GTF2IRD1: variants seen among roughly 807,000 people sequenced by gnomAD.
The protein encoded by GTF2IRD1 is GTF2I repeat domain containing 1.
In GTF2IRD1, 26 loss-of-function variants were observed where a neutral mutation model predicts 113.2. That is an observed-to-expected ratio of 0.23 (90% CI 0.17 to 0.32). The LOEUF (loss-of-function observed/expected upper bound fraction) is 0.32. GTF2IRD1 is among the 10% of genes least tolerant of loss of function. GTF2IRD1 has a pLI of 1.00. For missense variants in GTF2IRD1, 864 were observed against 1,280.8 expected, an observed-to-expected ratio of 0.67 and a Z score of 4.97; for synonymous variants, 484 against 529.1, an observed-to-expected ratio of 0.91 and a Z score of 1.17.
chr7:74,493,171 G>A (rs540180747), intron 1 of GTF2IRD1, among the ~76,000 whole-genome samples: 17 of 149,642 alleles, frequency 1.1e-4, no homozygotes, highest in Admixed American at 7.4e-4. Flanking sequence ...GGGCAGTGAC[G>A]TGATCTCAGC....
At chr7:74,508,037 C>T (rs1156308390) in intron 1 of GTF2IRD1, 38 bp from the exon 2 acceptor site, 6 of 1,583,214 alleles carry the variant, frequency 3.8e-6, no homozygotes, top group Non-Finnish European at 5.1e-6. Context: ...AAGCCCCCTG[C>T]CTTGTGCCCA....
intron 17 of GTF2IRD1, among the ~76,000 whole-genome samples, chr7:74,550,540 T>C (rs2130711531): frequency 6.6e-6 from 1 of 151,864 alleles, no homozygotes; most frequent in South Asian, 2.1e-4. Context: ...TGAGCCCTGA[T>C]TGCACCACTG....
At chr7:74,585,556 C>T (rs1801672209) in intron 22 of GTF2IRD1, among the ~76,000 whole-genome samples, 1 of 152,096 alleles carries the variant, frequency 6.6e-6, no homozygotes, top group African/African-American at 2.4e-5. Context: ...TTAGAGGAAA[C>T]TATCTTAAAG....
chr7:74,487,822 A>G (rs2117186589), intron 1 of GTF2IRD1, among the ~76,000 whole-genome samples: 1 of 152,342 alleles, frequency 6.6e-6, no homozygotes, highest in Middle Eastern at 3.4e-3. Context: ...TAAACTAACA[A>G]AGATGCTTCA....
chr7:74,587,349 C>T (rs1801771276), intron 22 of GTF2IRD1, among the ~76,000 whole-genome samples: 1 of 151,972 alleles, frequency 6.6e-6, no homozygotes, highest in African/African-American at 2.4e-5. Flanking sequence ...GAGGCTGACG[C>T]AGGAGAATGG....
intron 2 of GTF2IRD1, among the ~76,000 whole-genome samples, chr7:74,511,768 C>T (rs560080842): frequency 6.6e-6 from 1 of 152,250 alleles, no homozygotes; most frequent in South Asian, 2.1e-4. Context: ...CAGATGAAAA[C>T]CAGCATTTAT....
At chr7:74,515,712 C>T in intron 4 of GTF2IRD1, 116 bp downstream of exon 4, 1 of 825,622 alleles carries the variant, frequency 1.2e-6, no homozygotes, top group African/African-American at 1.7e-5. Flanking sequence ...AGCCGGACCC[C>T]AAGGCATGGG....
intron 22 of GTF2IRD1, among the ~76,000 whole-genome samples, chr7:74,559,998 C>T (rs1334926595): frequency 6.6e-6 from 1 of 152,164 alleles, no homozygotes; most frequent in African/African-American, 2.4e-5. Context: ...CAGGGCTGGT[C>T]TCAAACTCCT....
intron 25 of GTF2IRD1, among the ~76,000 whole-genome samples, chr7:74,598,922 C>A (rs587655121): frequency 6.6e-6 from 1 of 152,166 alleles, no homozygotes; most frequent in African/African-American, 2.4e-5. Context: ...CACCACAGAC[C>A]CCCAGTTTCT....
At chr7:74,593,747 A>AG (rs1562900641) in intron 24 of GTF2IRD1, among the ~76,000 whole-genome samples, 2 of 151,174 alleles carry the variant, frequency 1.3e-5, no homozygotes, top group East Asian at 1.9e-4. Context: ...AAAAAAAAAA[A>AG]AAAAAAATTA....
At position 74,594,700 on chromosome 7, in the gene GTF2IRD1, C is replaced by A. The variant is rs1354168070; in HGVS notation, c.2592-314C>A. ...GGGCGCGATGGCTCATGCCTGTATCCCAGCACTTTGGGAGGTGGAGGCAGG... is the reference window on the plus strand; with the variant it reads ...GGGCGCGATGGCTCATGCCTGTATCACAGCACTTTGGGAGGTGGAGGCAGG... On this transcript the variant is annotated intron_variant, in intron 24 of 26. Transcript: ENST00000424337. 2.0e-5 allele frequency among the ~76,000 whole-genome samples: 3 copies of A among 152,132 alleles called. No homozygotes were observed. The East Asian group carries it at 5.8e-4, about 29-fold the overall frequency.
At chr7:74,552,091 A>G (rs28413849) in intron 17 of GTF2IRD1, among the ~76,000 whole-genome samples, 45,074 of 151,960 alleles carry the variant, frequency 0.3, 8,769 homozygotes, top group African/African-American at 0.56. Context: ...TTGAGGCCCA[A>G]GAGGTAGCAG....
intron 8 of GTF2IRD1, among the ~76,000 whole-genome samples, chr7:74,528,193 G>T: frequency 6.6e-6 from 1 of 152,146 alleles, no homozygotes; most frequent in East Asian, 1.9e-4. Context: ...CATTGAGGTC[G>T]CAGTGGCAAG....
At chr7:74,516,619 G>A (rs1032154747) in intron 4 of GTF2IRD1, among the ~76,000 whole-genome samples, 2 of 152,180 alleles carry the variant, frequency 1.3e-5, no homozygotes, top group Non-Finnish European at 2.9e-5. Flanking sequence ...ATGGAGCAAA[G>A]GTCTGTGAGG....
intron 22 of GTF2IRD1, among the ~76,000 whole-genome samples, chr7:74,560,872 C>T (rs1443553422): frequency 6.6e-6 from 1 of 152,062 alleles, no homozygotes; most frequent in Non-Finnish European, 1.5e-5. Context: ...TGAGCCACCA[C>T]ACCCGACCTC....
At chr7:74,477,153 C>T (rs977237713) in intron 1 of GTF2IRD1, among the ~76,000 whole-genome samples, 33 of 152,076 alleles carry the variant, frequency 2.2e-4, no homozygotes, top group Non-Finnish European at 3.8e-4. Flanking sequence ...CACTTGAGGC[C>T]AGGAGTTTGA....
chr7:74,581,764 TG>T (rs1412087564), intron 22 of GTF2IRD1, among the ~76,000 whole-genome samples: 4 of 152,186 alleles, frequency 2.6e-5, no homozygotes, highest in Non-Finnish European at 5.9e-5. Context: ...CTCAGCACTT[TG>T]GAAGGCCAAG....
At chr7:74,574,290 C>G (rs752713409) in intron 22 of GTF2IRD1, among the ~76,000 whole-genome samples, 7 of 151,158 alleles carry the variant, frequency 4.6e-5, no homozygotes, top group Non-Finnish European at 8.8e-5. Flanking sequence ...GTGTGAGCCA[C>G]TGAGCCCGGC....
chr7:74,526,352 G>T (rs587730146), intron 8 of GTF2IRD1, among the ~76,000 whole-genome samples: 3 of 152,318 alleles, frequency 2.0e-5, no homozygotes, highest in African/African-American at 7.2e-5. Context: ...CAGTACTGGG[G>T]ACCCCACGGG....
Sources: gnomAD v4.1 joint callset for allele counts (sites outside exome capture counted in the v4.1 genomes callset) on GRCh38, gnomAD v4.1.1 for gene constraint, MANE v1.5 for transcripts, NCBI Gene and HGNC (gene_info 2026-07-23, HGNC 2026-07-21) for gene names.